The following CYP2A6 variants were observed in gnomAD, a reference collection of about 807,000 sequenced individuals.
CYP2A6 encodes the protein cytochrome P450 family 2 subfamily A member 6.
In CYP2A6, 27 loss-of-function variants were observed where a neutral mutation model predicts 42.3. The observed-to-expected ratio is 0.64, with a 90% CI of 0.47 to 0.88. The LOEUF is 0.88. Among genes scored for constraint, CYP2A6 ranks in the 40% least tolerant of loss-of-function variants. The pLI is 0.00. For synonymous variants in CYP2A6, 238 were observed against 246.3 expected, an observed-to-expected ratio of 0.97 and a Z score of 0.31; for missense variants, 628 against 646.0, an observed-to-expected ratio of 0.97 and a Z score of 0.30.
In CYP2A6 at chr19:40,843,626, T is replaced by A. The variant is rs2083440798; in HGVS notation, c.*170A>T. On this transcript the variant is annotated 3_prime_UTR_variant, in exon 9 of 9. Transcript: ENST00000301141. ...CTCTCATCCCAGCTCGGAAGCACCT[T>A]ATCAAGGTGAACTGAGCCGCTTCTG... The A allele has an allele frequency of 9.3e-7, 1 of 1,074,804 alleles. No homozygotes were observed. Among genetic ancestry groups the A allele is most frequent in the Non-Finnish European group, 1.3e-6 (1 of 775,050 alleles). The allele number at this position is 1,074,804 out of a possible 1,614,324, so 66.6% of individuals were successfully genotyped here.
In CYP2A6 at chr19:40,849,971, G is replaced by C; in HGVS notation, c.190C>G (p.Arg64Gly). 6.3e-7 allele frequency: 1 copy of C among 1,599,578 alleles called. No individual in the cohort carries two copies. Among genetic ancestry groups the C allele is most frequent in the Non-Finnish European group, 8.5e-7 (1 of 1,170,392 alleles). ...MYNSLMKISE[R>G]YGPVFTIHLG... ...TGAATGGTGAACACGGGGCCATAGCGCTCACTGATCTGATGGAGGTGGGTG... is the reference window on the plus strand; with the variant it reads ...TGAATGGTGAACACGGGGCCATAGCCCTCACTGATCTGATGGAGGTGGGTG... Residue 64 changes from arginine (R) to glycine (G), a missense_variant, in exon 2 of 9, where the codon CGC becomes GGC. This residue lies in a region of CYP2A6 where 606 missense variants were observed against 568.1 expected (regional missense o/e 1.07). Transcript: ENST00000301141.
Position 40,848,227 on chromosome 19 carries a change from T to C in CYP2A6, c.646A>G (p.Thr216Ala). The change falls in exon 4 of 9, where the codon ACG (threonine) becomes GCG (alanine). Residue 216 changes from threonine (T) to alanine (A), a missense_variant. By Grantham distance (58) the Thr-to-Ala change is moderately conservative (BLOSUM62 0). Around this residue, in one of 2 missense-constraint regions of CYP2A6, gnomAD observed 606 missense variants for 568.1 expected, o/e 1.07. Transcript: ENST00000301141. ...LGIFQFTSTSTGQLYEMFSSV... is the reference protein window; with the variant it reads ...LGIFQFTSTSAGQLYEMFSSV... ...GGGCTGCAGCCAGTTACCTGCCCCG[T>C]GGAGGTTGACGTGAACTGGAAGATT... 1 of 1,611,648 alleles carries C rather than the reference T, an allele frequency of 6.2e-7. No individual in the cohort carries two copies. Among genetic ancestry groups the C allele is most frequent in the Non-Finnish European group, 8.5e-7 (1 of 1,179,842 alleles).
chr19:40,845,224 G>C, intron 7 of CYP2A6, 70 bp downstream of exon 7: 1 of 1,590,288 alleles, frequency 6.3e-7, no homozygotes. Context: ...CTTCTAATGT[G>C]GGTGGGATGC....
Position 40,846,032 on chromosome 19 carries a change from G to A in CYP2A6, c.897C>T (p.Phe299=). ...TGCTGACGGTCTCGGTGCCCCCAATGAAGAGGTTCAACGTGGTCATCACCA... is the reference window on the plus strand; with the variant it reads ...TGCTGACGGTCTCGGTGCCCCCAATAAAGAGGTTCAACGTGGTCATCACCA... ...KNLVMTTLNL[F]IGGTETVSTT... is the part of the protein sequence containing the mutation. Residue 299 remains phenylalanine, a synonymous_variant, in exon 6 of 9, where the codon TTC becomes TTT. Coordinates refer to ENST00000301141, the MANE Select transcript of CYP2A6 (RefSeq NM_000762.6). 6.2e-7 allele frequency: 1 copy of A among 1,611,624 alleles called. No homozygotes were observed. Among genetic ancestry groups the A allele is most frequent in the South Asian group, 1.1e-5 (1 of 90,896 alleles).
intron 8 of CYP2A6, 38 bp from the exon 9 acceptor site, chr19:40,844,015 A>C (rs1239542877): frequency 9.5e-5 from 147 of 1,555,472 alleles, no homozygotes; most frequent in Non-Finnish European, 1.2e-4. Context: ...GGTGAAGCCC[A>C]CTCTCAGTGC....
chr19:40,844,569 G>C, intron 8 of CYP2A6, 62 bp downstream of exon 8: 1 of 1,609,932 alleles, frequency 6.2e-7, no homozygotes, highest in Non-Finnish European at 8.5e-7. Flanking sequence ...GAGAGGGGAG[G>C]AGGGTGAGGG....
rs758311443 is a variant in CYP2A6, at chr19:40,846,920, A to G, written c.786T>C (p.Asn262=). 8 of 1,611,956 alleles carry G rather than the reference A, an allele frequency of 5.0e-6. No individual in the cohort carries two copies. The South Asian group carries it at 7.7e-5, about 16-fold the overall frequency. ...AGGAGTCAATGAAGTCCCGTGGGGA[A>G]TTGGGATCCAGCGTGCGCTGGTTGT... ...VEHNQRTLDP[N]SPRDFIDSFL... is the part of the protein sequence containing the mutation. The change falls in exon 5 of 9, where the codon AAT becomes AAC. Residue 262 remains asparagine (N), a synonymous_variant. Transcript: ENST00000301141.
chr19:40,847,705 C>G (rs1967122953), intron 4 of CYP2A6, among the ~76,000 whole-genome samples: 1 of 151,500 alleles, frequency 6.6e-6, no homozygotes, highest in African/African-American at 2.4e-5. Context: ...GGGCAGCTGT[C>G]CATGTTTTCA....
At chr19:40,848,968 GA>G (rs1967156206) in intron 2 of CYP2A6, among the ~76,000 whole-genome samples, 17 of 115,186 alleles carry the variant, frequency 1.5e-4, no homozygotes, top group Admixed American at 1.4e-3. Context: ...GAGAGAGAGA[GA>G]GAGAGAGAAG....
rs771667044 is a variant in CYP2A6 at position 40,845,849 on chromosome 19, G to A, written c.973+107C>T. The A allele has an allele frequency of 1.3e-4, 193 of 1,509,226 alleles. 2 individuals carry two copies. Among genetic ancestry groups the A allele is most frequent in the Non-Finnish European group, 1.6e-4 (182 of 1,123,440 alleles). The allele number at this position is 1,509,226 out of a possible 1,614,324, so 93.5% of individuals were successfully genotyped here. The stretch of plus-strand genomic sequence containing the variant: ...ATGTTGCCCTGTCTCTGGACAGCAA[G>A]TCACGTCTCAGGGTCCCGGGATCTG... On this transcript the variant is annotated intron_variant, in intron 6 of 8. Coordinates refer to ENST00000301141, the MANE Select transcript of CYP2A6 (RefSeq NM_000762.6).
chr19:40,849,562 G>A (rs1400426059), intron 2 of CYP2A6, among the ~76,000 whole-genome samples: 3 of 151,412 alleles, frequency 2.0e-5, no homozygotes, highest in Non-Finnish European at 4.4e-5. Context: ...GATGGAGAGA[G>A]AGGGGAAAGA....
chr19:40,850,292 G>A lies in CYP2A6; in HGVS notation c.135C>T (p.Asn45=), dbSNP rs139344949. ...PGPTPLPFIG[N]YLQLNTEQMY... ...TCTGCTCTGTGTTCAGCTGCAGGTA[G>A]TTTCCAATGAAGGGCAATGGGGTGG... is the stretch of plus-strand genomic sequence containing the variant. Residue 45 remains asparagine, a synonymous_variant, in exon 1 of 9, where the codon AAC becomes AAT. Coordinates refer to ENST00000301141, the MANE Select transcript of CYP2A6 (RefSeq NM_000762.6). The A allele has an allele frequency of 3.9e-3, 6,244 of 1,610,202 alleles. 190 individuals carry two copies. Among genetic ancestry groups the A allele is most frequent in the Non-Finnish European group, 4.6e-3 (5,419 of 1,178,808 alleles).
At chr19:40,848,070 G>A (rs1379984889) in intron 4 of CYP2A6, 149 bp downstream of exon 4, 20 of 1,406,456 alleles carry the variant, frequency 1.4e-5, no homozygotes, top group Non-Finnish European at 1.8e-5. Flanking sequence ...CTGGGTTCTG[G>A]TGCAACTGTC....
rs4997557 is a variant in CYP2A6, at chr19:40,846,048, G to A, written c.881C>T (p.Thr294Ile). ...TEFYLKNLVM[T>I]TLNLFIGGTE... The stretch of plus-strand genomic sequence containing the variant: ...GCCCCCAATGAAGAGGTTCAACGTG[G>A]TCATCACCAGGTTTTTCAAGTAGAA... The change falls in exon 6 of 9, where the codon ACC (threonine) becomes ATC (isoleucine). Residue 294 changes from threonine (T) to isoleucine (I), a missense_variant. Transcript: ENST00000301141. 1.9e-6 allele frequency: 3 copies of A among 1,611,588 alleles called. No homozygotes were observed. Among genetic ancestry groups the A allele is most frequent in the Non-Finnish European group, 2.5e-6 (3 of 1,179,844 alleles).
At chr19:40,844,168 C>T (rs1236533733) in intron 8 of CYP2A6, among the ~76,000 whole-genome samples, 191 bp from the exon 9 acceptor site, 1 of 150,728 alleles carries the variant, frequency 6.6e-6, no homozygotes, top group Non-Finnish European at 1.5e-5. Flanking sequence ...AATGGTGAAC[C>T]AATATTGATA....
chr19:40,849,072 G>GAGAGAGAC (rs1967172862), intron 2 of CYP2A6, among the ~76,000 whole-genome samples: 1 of 144,962 alleles, frequency 6.9e-6, no homozygotes, highest in African/African-American at 2.6e-5. Flanking sequence ...GAGAGAGAGA[G>GAGAGAGAC]AGAGAGAGAG....
At chr19:40,844,068 G>T (rs2083443871) in intron 8 of CYP2A6, 91 bp from the exon 9 acceptor site, 2 of 1,488,250 alleles carry the variant, frequency 1.3e-6, no homozygotes, top group East Asian at 2.6e-5. Context: ...CTCTCCCAGG[G>T]AGGAAGGGTG....
Position 40,848,594 on chromosome 19 carries a change from A to T in CYP2A6, c.493+20T>A. 1 of 1,607,134 alleles carries T rather than the reference A, an allele frequency of 6.2e-7. No individual in the cohort carries two copies. The highest frequency in any genetic ancestry group is 1.7e-5 in the Admixed American group (1 of 59,862). ...GGTGTTTTCCTTCTCCTGCCCCCGC[A>T]CTCGGGGTCCCCTGCTCACCGCCAG... On this transcript the variant is annotated intron_variant, in intron 3 of 8. Coordinates refer to ENST00000301141, the MANE Select transcript of CYP2A6 (RefSeq NM_000762.6).
chr19:40,847,044 T>A lies in CYP2A6; in HGVS notation c.662A>T (p.Glu221Val). The change falls in exon 5 of 9, where the codon GAG (glutamate) becomes GTG (valine). Residue 221 changes from glutamate to valine, a missense_variant. Glu to Val is a moderately radical substitution (Grantham distance 121, BLOSUM62 -2). This residue lies in a region of CYP2A6 where 606 missense variants were observed against 568.1 expected (regional missense o/e 1.07). Coordinates refer to ENST00000301141, the MANE Select transcript of CYP2A6 (RefSeq NM_000762.6). ...GTGTTTCATCACCGAAGAGAACATC[T>A]CATAGAGCTGGGGTTGCAGAGAGAG... ...FTSTSTGQLY[E>V]MFSSVMKHLP... is the part of the protein sequence containing the mutation. 2 of 1,611,396 alleles carry A rather than the reference T, an allele frequency of 1.2e-6. No individual in the cohort carries two copies. The highest frequency in any genetic ancestry group is 1.7e-6 in the Non-Finnish European group (2 of 1,179,634).
Sources: allele counts gnomAD v4.1 joint callset (sites outside exome capture counted in the v4.1 genomes callset), GRCh38; gene constraint gnomAD v4.1.1; regional missense constraint gnomAD v4.1.1; transcripts MANE v1.5; gene names NCBI Gene and HGNC (gene_info 2026-07-23, HGNC 2026-07-21).